AOAH: variants seen among roughly 807,000 people sequenced by gnomAD.
AOAH encodes the protein acyloxyacyl hydrolase, also known as acyloxyacyl hydrolase (neutrophil).
In AOAH, 64 loss-of-function variants were observed where a neutral mutation model predicts 92.2. The ratio of observed to expected loss-of-function variants is 0.69; its 90% CI spans 0.57 to 0.86. The LOEUF is 0.86. AOAH is among the 40% of genes least tolerant of loss of function. The pLI is 0.00. For missense variants in AOAH, 656 were observed against 694.6 expected, an observed-to-expected ratio of 0.94 and a Z score of 0.62; for synonymous variants, 263 against 254.5, an observed-to-expected ratio of 1.03 and a Z score of -0.32.
At chr7:36,696,288 T>A (rs1209987316) in intron 1 of AOAH, among the ~76,000 whole-genome samples, 1 of 152,188 alleles carries the variant, frequency 6.6e-6, no homozygotes, top group African/African-American at 2.4e-5. Flanking sequence ...AATTTTAGAA[T>A]CAGTTTTCCA....
chr7:36,636,214 TA>T (rs1466176859), intron 5 of AOAH, among the ~76,000 whole-genome samples: 1 of 152,256 alleles, frequency 6.6e-6, no homozygotes, highest in Non-Finnish European at 1.5e-5. Context: ...TTGATAGCTG[TA>T]ATCTGGAGAG....
At chr7:36,700,710 T>C (rs983448508) in intron 1 of AOAH, among the ~76,000 whole-genome samples, 9 of 152,084 alleles carry the variant, frequency 5.9e-5, no homozygotes, top group African/African-American at 9.6e-5. Context: ...AGTAGTGGGA[T>C]TGATGGTTTG....
intron 12 of AOAH, among the ~76,000 whole-genome samples, chr7:36,591,199 G>C (rs1217086519): frequency 1.3e-5 from 2 of 152,330 alleles, no homozygotes; most frequent in Non-Finnish European, 2.9e-5. Flanking sequence ...AGAGCATTCT[G>C]AGAGGAACAG....
chr7:36,633,736 G>A (rs1026644507), intron 5 of AOAH, among the ~76,000 whole-genome samples: 11 of 152,114 alleles, frequency 7.2e-5, no homozygotes, highest in Non-Finnish European at 1.2e-4. Flanking sequence ...TTTGCGTTTC[G>A]GAAAGATGTC....
intron 13 of AOAH, among the ~76,000 whole-genome samples, chr7:36,562,720 C>T (rs77412774): frequency 0.038 from 5,799 of 152,194 alleles, 375 homozygotes; most frequent in African/African-American, 0.13. Context: ...CCCATGATCT[C>T]TCTAGTACTT....
At position 36,724,243 on chromosome 7, in the gene AOAH, T is replaced by C; in HGVS notation, c.-95A>G. On this transcript the variant is annotated 5_prime_UTR_variant, in exon 1 of 21. Coordinates refer to ENST00000617537, the MANE Select transcript of AOAH (RefSeq NM_001637.4). ...GCTGCAGAATCAATTGATCTCTCTCTCCTTCTCTTCCTCACTCTCTTTGAC... is the reference window on the plus strand; with the variant it reads ...GCTGCAGAATCAATTGATCTCTCTCCCCTTCTCTTCCTCACTCTCTTTGAC... The C allele has an allele frequency of 1.4e-6, 2 of 1,440,088 alleles. No individual in the cohort carries two copies. Among genetic ancestry groups the C allele is most frequent in the Non-Finnish European group, 1.9e-6 (2 of 1,039,474 alleles). 89.2% of individuals were successfully genotyped at this position (1,440,088 alleles called of 1,614,324 possible).
intron 13 of AOAH, among the ~76,000 whole-genome samples, chr7:36,569,571 C>A (rs968276968): frequency 3.9e-5 from 2 of 50,912 alleles, no homozygotes; most frequent in African/African-American, 1.1e-4. Flanking sequence ...ATTTACATAT[C>A]TATCTATCTA....
intron 6 of AOAH, among the ~76,000 whole-genome samples, chr7:36,625,927 G>A (rs962220780): frequency 6.6e-6 from 1 of 152,102 alleles, no homozygotes; most frequent in Admixed American, 6.5e-5. Context: ...ACTACAAATG[G>A]TTTTCTCTCA....
intron 4 of AOAH, among the ~76,000 whole-genome samples, chr7:36,644,499 T>C (rs893513455): frequency 6.6e-6 from 1 of 152,190 alleles, no homozygotes; most frequent in African/African-American, 2.4e-5. Flanking sequence ...CCTAAGTCCA[T>C]TCAGCTATAT....
intron 11 of AOAH, among the ~76,000 whole-genome samples, chr7:36,596,455 G>A (rs1790131529): frequency 1.3e-5 from 2 of 152,200 alleles, no homozygotes; most frequent in African/African-American, 4.8e-5. Flanking sequence ...TGGAAATAGA[G>A]TCGTTGCAGA....
intron 20 of AOAH, chr7:36,514,727 T>C: frequency 1.5e-6 from 1 of 654,108 alleles, no homozygotes; most frequent in South Asian, 1.8e-5. Context: ...GGGAATACAT[T>C]GTTCGGGAAG....
chr7:36,522,991 T>C (rs1009868861), intron 19 of AOAH, among the ~76,000 whole-genome samples: 6 of 152,186 alleles, frequency 3.9e-5, no homozygotes, highest in African/African-American at 1.2e-4. Context: ...GGGGCTTTGA[T>C]TGGACAAGAC....
intron 15 of AOAH, 27 bp from the exon 16 acceptor site, chr7:36,540,518 C>G: frequency 6.3e-7 from 1 of 1,593,642 alleles, no homozygotes; most frequent in Non-Finnish European, 8.6e-7. Context: ...CAGAAAATAT[C>G]TTGGTTGATT....
rs114320141 is a variant in AOAH, at chr7:36,519,816, T to C, written c.1599+2223A>G. ...TACTTGCACAGTTGGAGGCATTTAC[T>C]GCTTTATATTTAATTGTCTGTTTAC... On this transcript the variant is annotated intron_variant, in intron 20 of 20. Transcript: ENST00000617537. Among the ~76,000 whole-genome samples, 1,342 of 152,360 alleles carry C rather than the reference T, an allele frequency of 8.8e-3. 21 individuals carry two copies. The highest frequency in any genetic ancestry group is 0.031 in the African/African-American group (1,290 of 41,578).
Position 36,650,499 on chromosome 7 carries a change from T to G in AOAH, c.390+8667A>C, listed in dbSNP as rs116396466. Reference sequence around the variant, plus strand: ...CTTTCAGACTTGTCAATGACAGCTTTCAGGCTTAGGCCAGCCTCCAGCACA... The same window carrying G: ...CTTTCAGACTTGTCAATGACAGCTTGCAGGCTTAGGCCAGCCTCCAGCACA... On this transcript the variant is annotated intron_variant, in intron 4 of 20. Transcript: ENST00000617537. Among the ~76,000 whole-genome samples, 635 of 152,296 alleles carry G rather than the reference T, an allele frequency of 4.2e-3. 7 individuals are homozygous for G. Among genetic ancestry groups the G allele is most frequent in the African/African-American group, 0.014 (581 of 41,552 alleles).
chr7:36,675,800 G>A (rs1796218718), intron 2 of AOAH, among the ~76,000 whole-genome samples: 1 of 152,088 alleles, frequency 6.6e-6, no homozygotes, highest in Non-Finnish European at 1.5e-5. Context: ...ATGATCAGGT[G>A]GGATTTATCC....
intron 11 of AOAH, among the ~76,000 whole-genome samples, chr7:36,611,432 G>A (rs1791450959): frequency 6.6e-6 from 1 of 152,172 alleles, no homozygotes; most frequent in Admixed American, 6.5e-5. Flanking sequence ...AACAAATGCT[G>A]TTCGACAGCA....
At chr7:36,521,914 G>A in intron 20 of AOAH, 125 bp downstream of exon 20, 1 of 781,426 alleles carries the variant, frequency 1.3e-6, no homozygotes, top group South Asian at 1.6e-5. Flanking sequence ...ATACATGTAT[G>A]TACACTACCT....
chr7:36,643,188 G>A (rs967017207), intron 4 of AOAH, among the ~76,000 whole-genome samples: 10 of 152,122 alleles, frequency 6.6e-5, no homozygotes, highest in Non-Finnish European at 1.5e-4. Flanking sequence ...TACTGTTCCT[G>A]TTTTACAGAT....
Sources: allele counts gnomAD v4.1 joint callset (sites outside exome capture counted in the v4.1 genomes callset), GRCh38; gene constraint gnomAD v4.1.1; transcripts MANE v1.5; gene names NCBI Gene and HGNC (gene_info 2026-07-23, HGNC 2026-07-21).